The following IL1RAPL2 variants were observed in gnomAD, a reference collection of about 807,000 sequenced individuals.
The protein encoded by IL1RAPL2 is interleukin 1 receptor accessory protein like 2.
A neutral mutation model predicts 44.1 loss-of-function variants in IL1RAPL2; 3 were observed. The observed-to-expected ratio is 0.07, with a 90% confidence interval of 0.03 to 0.18. The LOEUF (loss-of-function observed/expected upper bound fraction) is 0.18. IL1RAPL2 is among the 10% of genes least tolerant of loss of function. The probability of loss-of-function intolerance (pLI) is 1.00; values close to 1 mark genes in which losing one functional copy is unlikely to be tolerated. For synonymous variants in IL1RAPL2, 181 were observed against 178.8 expected, an observed-to-expected ratio of 1.01 and a Z score of -0.10; for missense variants, 391 against 496.4, an observed-to-expected ratio of 0.79 and a Z score of 2.02.
At chrX:105,711,191 A>G (rs1265135856) in intron 6 of IL1RAPL2, among the ~76,000 whole-genome samples, 2 of 110,119 alleles carry the variant, frequency 1.8e-5, no homozygotes, top group African/African-American at 3.3e-5. Flanking sequence ...TCCATTTTCT[A>G]CTGCTGTAAC....
At chrX:104,904,017 T>C (rs1304739238) in intron 2 of IL1RAPL2, among the ~76,000 whole-genome samples, 1 of 111,719 alleles carries the variant, frequency 9.0e-6, no homozygotes, top group Non-Finnish European at 1.9e-5. Flanking sequence ...ACCTGTAGTT[T>C]GGATTGTTGA....
chrX:105,401,196 A>T (rs775396447), intron 5 of IL1RAPL2, among the ~76,000 whole-genome samples: 18 of 111,799 alleles, frequency 1.6e-4, no homozygotes, highest in African/African-American at 5.5e-4. Context: ...ATTACATTCC[A>T]GTATGAGTTT....
At chrX:104,910,364 A>G (rs1214190516) in intron 2 of IL1RAPL2, among the ~76,000 whole-genome samples, 2 of 112,268 alleles carry the variant, frequency 1.8e-5, no homozygotes, top group Non-Finnish European at 3.8e-5. Context: ...CTATTCGTCC[A>G]TCTTGGCTCC....
chrX:105,766,497 C>T (rs966971889), intron 10 of IL1RAPL2, among the ~76,000 whole-genome samples: 3 of 111,172 alleles, frequency 2.7e-5, no homozygotes, highest in Admixed American at 9.6e-5. Flanking sequence ...GCCATACATA[C>T]AGTTAGTATT....
intron 2 of IL1RAPL2, among the ~76,000 whole-genome samples, chrX:104,868,272 A>T (rs1602769325): frequency 8.9e-6 from 1 of 112,275 alleles, no homozygotes; most frequent in South Asian, 3.8e-4. Flanking sequence ...TATTCTTGAT[A>T]TGCTAGTAGC....
chrX:104,915,717 G>C (rs1466938528), intron 2 of IL1RAPL2, among the ~76,000 whole-genome samples: 3 of 111,465 alleles, frequency 2.7e-5, no homozygotes, highest in Non-Finnish European at 5.7e-5. Context: ...ACGTTTAAGT[G>C]TTTAATCCAT....
At chrX:105,597,390 A>G (rs1235205609) in intron 6 of IL1RAPL2, among the ~76,000 whole-genome samples, 1 of 111,574 alleles carries the variant, frequency 9.0e-6, no homozygotes, top group Non-Finnish European at 1.9e-5. Flanking sequence ...AGGTAATTAT[A>G]AAGAGAAAAG....
Position 104,664,013 on chromosome X carries a change from C to A in IL1RAPL2, c.82+5018C>A, listed in dbSNP as rs191344106. 5.4e-5 allele frequency among the ~76,000 whole-genome samples: 6 copies of A among 110,124 alleles called. No homozygotes were observed. In the South Asian group the frequency reaches 1.2e-3, roughly 22 times the overall value. ...CTCCCTTGTTTAAAATACTTAATAT[C>A]ATTGAGATCAATGAATGGCTAAGCA... On this transcript the variant is annotated intron_variant, in intron 2 of 10. Coordinates refer to ENST00000372582, the MANE Select transcript of IL1RAPL2 (RefSeq NM_017416.2).
intron 2 of IL1RAPL2, among the ~76,000 whole-genome samples, chrX:104,797,965 C>A (rs1932861148): frequency 9.0e-6 from 1 of 111,624 alleles, no homozygotes; most frequent in African/African-American, 3.3e-5. Flanking sequence ...TAAAAATGAC[C>A]CAGCAAGATA....
intron 2 of IL1RAPL2, among the ~76,000 whole-genome samples, chrX:104,902,301 CA>C (rs1923843094): frequency 8.9e-6 from 1 of 112,104 alleles, no homozygotes; most frequent in Non-Finnish European, 1.9e-5. Flanking sequence ...CTTTTTGACA[CA>C]GTAGATTGAG....
chrX:105,598,220 G>T (rs972430928), intron 6 of IL1RAPL2, among the ~76,000 whole-genome samples: 1 of 110,581 alleles, frequency 9.0e-6, no homozygotes, highest in African/African-American at 3.3e-5. Context: ...GAAAAATGCT[G>T]CATGATAAAT....
At chrX:104,894,797 T>C (rs917664177) in intron 2 of IL1RAPL2, among the ~76,000 whole-genome samples, 1 of 112,552 alleles carries the variant, frequency 8.9e-6, no homozygotes, top group African/African-American at 3.2e-5. Flanking sequence ...ATCAAAGTCA[T>C]TCTCCATCCA....
At chrX:105,389,770 G>T (rs1324445990) in intron 5 of IL1RAPL2, among the ~76,000 whole-genome samples, 1 of 111,194 alleles carries the variant, frequency 9.0e-6, no homozygotes, top group African/African-American at 3.3e-5. Context: ...TTATTCAAAT[G>T]AGAAAACTTT....
chrX:105,046,545 ATTCTTCTCTCTCCCATTCCTCTTT>A (rs2031838856), intron 2 of IL1RAPL2, among the ~76,000 whole-genome samples: 1 of 111,565 alleles, frequency 9.0e-6, no homozygotes, highest in Admixed American at 9.6e-5. Flanking sequence ...CTAAGAGCTG[ATTCTTCTCTCTCCCATTCCTCTTT>A]GTCCAGTCCC....
At chrX:104,930,825 C>T (rs1387371018) in intron 2 of IL1RAPL2, among the ~76,000 whole-genome samples, 1 of 111,573 alleles carries the variant, frequency 9.0e-6, no homozygotes, top group Admixed American at 9.5e-5. Flanking sequence ...AGACAGGTGA[C>T]ATTATTTTTC....
intron 6 of IL1RAPL2, among the ~76,000 whole-genome samples, chrX:105,504,979 G>C (rs1054436149): frequency 1.8e-5 from 2 of 110,961 alleles, no homozygotes; most frequent in African/African-American, 6.5e-5. Flanking sequence ...CCAGTAAATA[G>C]AGGTGTAGCA....
chrX:104,581,864 G>GAAA (rs976816900), intron 1 of IL1RAPL2, among the ~76,000 whole-genome samples: 1 of 109,842 alleles, frequency 9.1e-6, no homozygotes, highest in Non-Finnish European at 1.9e-5. Context: ...TTTTCTTTCA[G>GAAA]AAAAAAAATT....
intron 6 of IL1RAPL2, among the ~76,000 whole-genome samples, chrX:105,697,684 G>T (rs1284661026): frequency 9.0e-6 from 1 of 110,858 alleles, no homozygotes; most frequent in East Asian, 2.9e-4. Flanking sequence ...AACTGCAAAG[G>T]CATATTATGG....
chrX:104,890,924 G>T (rs908659145), intron 2 of IL1RAPL2, among the ~76,000 whole-genome samples: 1 of 111,550 alleles, frequency 9.0e-6, no homozygotes, highest in Admixed American at 9.5e-5. Flanking sequence ...GGGTTTTTAT[G>T]GTTTTAGGTC....
Sources: allele counts gnomAD v4.1 joint callset (sites outside exome capture counted in the v4.1 genomes callset), GRCh38; gene constraint gnomAD v4.1.1; transcripts MANE v1.5; gene names NCBI Gene and HGNC (gene_info 2026-07-23, HGNC 2026-07-21).